Variants in TOMM40 observed in about 807,000 individuals in gnomAD.
The protein encoded by TOMM40 is mitochondrial import receptor subunit TOM40 homolog.
In TOMM40, 9 loss-of-function variants were observed where a neutral mutation model predicts 38.4. The observed-to-expected ratio is 0.23, with a 90% confidence interval of 0.14 to 0.41. The LOEUF is 0.41. Ranked by LOEUF, TOMM40 falls within the 10% of genes least tolerant of loss-of-function variation. The pLI is 1.00. For synonymous variants in TOMM40, 184 were observed against 210.0 expected, an observed-to-expected ratio of 0.88 and a Z score of 1.07; for missense variants, 299 against 486.5, an observed-to-expected ratio of 0.61 and a Z score of 3.63.
At position 44,892,894 on chromosome 19, in the gene TOMM40, A is replaced by C; in HGVS notation, c.400A>C (p.Thr134Pro). The C allele has an allele frequency of 6.2e-7, 1 of 1,614,026 alleles. No individual in the cohort carries two copies. Among genetic ancestry groups the C allele is most frequent in the Non-Finnish European group, 8.5e-7 (1 of 1,179,918 alleles). Residue 134 changes from threonine (T) to proline (P), a missense_variant, in exon 3 of 9, where the codon ACA becomes CCA. Transcript: ENST00000426677. The part of the protein sequence containing the change: ...IGESNYHFGV[T>P]YVGTKQLSPT... The stretch of plus-strand genomic sequence containing the variant: ...GGAGTCCAACTACCACTTCGGGGTC[A>C]CATATGTGGGGACAAAGCAGCTGAG...
chr19:44,897,790 A>AAAAG (rs1555789088), intron 5 of TOMM40, among the ~76,000 whole-genome samples: 2 of 146,308 alleles, frequency 1.4e-5, no homozygotes, highest in South Asian at 2.1e-4. Flanking sequence ...AAAAAAAAAA[A>AAAAG]AGAGAGAGAG....
intron 1 of TOMM40, among the ~76,000 whole-genome samples, chr19:44,891,927 C>G (rs1484190241): frequency 3.4e-4 from 51 of 152,116 alleles, no homozygotes; most frequent in Non-Finnish European, 8.8e-5. Context: ...CCTGAGGAGC[C>G]CCGGGATCAG....
chr19:44,900,680 C>T, intron 5 of TOMM40, 50 bp from the exon 6 acceptor site: 1 of 1,611,248 alleles, frequency 6.2e-7, no homozygotes, highest in Non-Finnish European at 8.5e-7. Context: ...GAGGTGGAGT[C>T]TAGCCTGGCA....
intron 5 of TOMM40, among the ~76,000 whole-genome samples, chr19:44,898,802 T>C (rs992219289): frequency 3.3e-5 from 5 of 151,676 alleles, no homozygotes; most frequent in African/African-American, 1.2e-4. Flanking sequence ...CCTCCCAAAG[T>C]GCTGGAATTA....
At chr19:44,901,151 C>T (rs1969673899) in intron 7 of TOMM40, 47 bp downstream of exon 7, 1 of 1,613,778 alleles carries the variant, frequency 6.2e-7, no homozygotes, top group Non-Finnish European at 8.5e-7. Context: ...GCTGCTGGGC[C>T]TGGAAGTCCA....
intron 5 of TOMM40, among the ~76,000 whole-genome samples, chr19:44,899,635 T>A (rs538813084): frequency 0.015 from 2,207 of 146,434 alleles, 30 homozygotes; most frequent in Non-Finnish European, 0.024. Context: ...TTTTTTTTTT[T>A]ATGATAATCT....
At chr19:44,900,959 A>T (rs1211911976) in intron 6 of TOMM40, 69 bp from the exon 7 acceptor site, 2 of 1,610,474 alleles carry the variant, frequency 1.2e-6, no homozygotes, top group East Asian at 4.5e-5. Context: ...CTGAGGGAGG[A>T]GGCCTGGGTT....
rs543927984 is a variant in TOMM40 at position 44,901,692 on chromosome 19, G to C, written c.946+382G>C. The C allele has an allele frequency of 2.1e-3, 659 of 307,122 alleles. 9 individuals are homozygous for C. The highest frequency in any genetic ancestry group is 0.013 in the African/African-American group (608 of 46,818). 19.0% of individuals were successfully genotyped at this position (307,122 alleles called of 1,614,324 possible). A position where few individuals can be genotyped will look rare whatever the true frequency, so the allele number is the denominator to read the frequency against. Reference sequence around the variant, plus strand: ...GCGGAGCTTGCGGTGAGCCGAGATCGTGCCACCGCACTCCAGCCTGGGTGA... The same window carrying C: ...GCGGAGCTTGCGGTGAGCCGAGATCCTGCCACCGCACTCCAGCCTGGGTGA... On this transcript the variant is annotated intron_variant, in intron 8 of 8. Transcript: ENST00000426677.
intron 3 of TOMM40, among the ~76,000 whole-genome samples, 163 bp downstream of exon 3, chr19:44,893,092 A>C (rs1969499532): frequency 6.6e-6 from 1 of 152,040 alleles, no homozygotes; most frequent in Admixed American, 6.6e-5. Flanking sequence ...TAATTCCTTC[A>C]TCCAGCAAAC....
At chr19:44,899,424 C>T (rs1470733243) in intron 5 of TOMM40, among the ~76,000 whole-genome samples, 1 of 152,110 alleles carries the variant, frequency 6.6e-6, no homozygotes, top group Non-Finnish European at 1.5e-5. Flanking sequence ...GCCTCCACCT[C>T]CTGGGCTTAA....
rs1169830927 is a variant in TOMM40 at position 44,903,538 on chromosome 19, G to GA, written c.*370dup. ...TGGGCCCGCCCCGAGGGGGCAGCGAGAGGAGCTTCCCCATCCCCGGTCAGT... is the reference window on the plus strand; with the variant it reads ...TGGGCCCGCCCCGAGGGGGCAGCGAGAAGGAGCTTCCCCATCCCCGGTCAGT... On this transcript the variant is annotated 3_prime_UTR_variant, in exon 9 of 9. Transcript: ENST00000426677. 4.8e-6 allele frequency: 1 copy of GA among 208,114 alleles called. No individual in the cohort carries two copies. The highest frequency in any genetic ancestry group is 9.7e-6 in the Non-Finnish European group (1 of 103,548). 12.9% of individuals were successfully genotyped at this position (208,114 alleles called of 1,614,324 possible). A position where few individuals can be genotyped will look rare whatever the true frequency, so the allele number is the denominator to read the frequency against.
In TOMM40 at chr19:44,891,361, CG is replaced by C; in HGVS notation, c.-50del. 2 of 1,229,498 alleles carry C rather than the reference CG, an allele frequency of 1.6e-6. No individual in the cohort carries two copies. The highest frequency in any genetic ancestry group is 7.5e-5 in the South Asian group (2 of 26,574). The allele number at this position is 1,229,498 out of a possible 1,614,324, so 76.2% of individuals were successfully genotyped here. ...GGGTGCGGATTTGCTGGGGCTGAGT[CG>C]GGGGCGCGCGGGCCCTGACCTCTGC... On this transcript the variant is annotated 5_prime_UTR_variant, in exon 1 of 9. Transcript: ENST00000426677.
Position 44,892,478 on chromosome 19 carries a change from C to T in TOMM40, c.342+18C>T. On this transcript the variant is annotated intron_variant, in intron 2 of 8. Coordinates refer to ENST00000426677, the MANE Select transcript of TOMM40 (RefSeq NM_001128917.2). The stretch of plus-strand genomic sequence containing the variant: ...ATTTTCAGGTGAGCCTTCCTGGTGT[C>T]CTTACCCACCAGAGATCGTCCCCGC... The T allele has an allele frequency of 6.2e-7, 1 of 1,610,140 alleles. No homozygotes were observed. Among genetic ancestry groups the T allele is most frequent in the South Asian group, 1.1e-5 (1 of 90,946 alleles).
chr19:44,895,200 G>A (rs77726367), intron 5 of TOMM40, among the ~76,000 whole-genome samples: 2,595 of 152,158 alleles, frequency 0.017, 66 homozygotes, highest in African/African-American at 0.058. Flanking sequence ...GGAGTGCCTA[G>A]GGAGAGTCAC....
intron 5 of TOMM40, among the ~76,000 whole-genome samples, chr19:44,897,327 C>G (rs1744796719): frequency 6.6e-6 from 1 of 152,136 alleles, no homozygotes; most frequent in African/African-American, 2.4e-5. Context: ...GCCAGAGATT[C>G]TAAGTCACTC....
intron 5 of TOMM40, among the ~76,000 whole-genome samples, chr19:44,896,029 A>G (rs2122756030): frequency 6.6e-6 from 1 of 152,248 alleles, no homozygotes; most frequent in African/African-American, 2.4e-5. Flanking sequence ...GGCCAAGAGG[A>G]GGTTCTCCAC....
rs1599945098 is a variant in TOMM40, at chr19:44,901,219, T to G, written c.855T>G (p.Gly285=). Residue 285 remains glycine (G), a synonymous_variant, in exon 8 of 9, where the codon GGT becomes GGG. Coordinates refer to ENST00000426677, the MANE Select transcript of TOMM40 (RefSeq NM_001128917.2). ...YHKASDQLQV[G]VEFEASTRMQ... ...TCCGGCCCCTCCAGCTGCAGGTGGG[T>G]GTGGAGTTTGAGGCCAGCACAAGGA... The G allele has an allele frequency of 6.2e-7, 1 of 1,614,088 alleles. No homozygotes were observed. Among genetic ancestry groups the G allele is most frequent in the Non-Finnish European group, 8.5e-7 (1 of 1,179,986 alleles).
rs553646781 is a variant in TOMM40 at position 44,892,040 on chromosome 19, C to T, written c.274+351C>T. On this transcript the variant is annotated intron_variant, in intron 1 of 8. Transcript: ENST00000426677. ...CCTTGGGTATGGGACCCAAAGCCTC[C>T]GGATCCCAGCCTGGAGCAATTAGAG... 1.6e-4 allele frequency among the ~76,000 whole-genome samples: 24 copies of T among 152,262 alleles called. No homozygotes were observed. In the South Asian group the frequency reaches 4.1e-3, roughly 26 times the overall value.
intron 5 of TOMM40, among the ~76,000 whole-genome samples, chr19:44,897,518 T>G (rs205909): frequency 0.033 from 4,976 of 152,164 alleles, 267 homozygotes; most frequent in African/African-American, 0.11. Context: ...AGTGGCACAG[T>G]GTCAGCTCAC....
Sources: gnomAD v4.1 joint callset for allele counts (sites outside exome capture counted in the v4.1 genomes callset) on GRCh38, gnomAD v4.1.1 for gene constraint, MANE v1.5 for transcripts, NCBI Gene and HGNC (gene_info 2026-07-23, HGNC 2026-07-21) for gene names.